The following CEP57L1 variants were observed in gnomAD, a reference collection of about 807,000 sequenced individuals.
CEP57L1 encodes centrosomal protein CEP57L1.
A neutral mutation model predicts 61.0 loss-of-function variants in CEP57L1; 37 were observed. That is an observed-to-expected ratio of 0.61 (90% CI 0.47 to 0.80). The LOEUF is 0.80. CEP57L1 is among the 30% of genes least tolerant of loss of function. The pLI, the probability that CEP57L1 is intolerant of heterozygous loss-of-function variation, is 0.00. For synonymous variants in CEP57L1, 137 were observed against 162.3 expected, an observed-to-expected ratio of 0.84 and a Z score of 1.19; for missense variants, 422 against 524.7, an observed-to-expected ratio of 0.80 and a Z score of 1.91.
At chr6:109,109,030 A>G (rs1220135229) in intron 1 of CEP57L1, among the ~76,000 whole-genome samples, 2 of 152,216 alleles carry the variant, frequency 1.3e-5, no homozygotes, top group African/African-American at 4.8e-5. Context: ...CTCCCACACT[A>G]GAAATACAAA....
In CEP57L1 at chr6:109,150,100, A is replaced by G; in HGVS notation, c.341-18A>G. On this transcript the variant is annotated intron_variant, in intron 3 of 10. Coordinates refer to ENST00000517392, the MANE Select transcript of CEP57L1 (RefSeq NM_001271852.3). ...TTTGACTTCCTCTTTTCCTAATTGAATACCCTTTATTTCATAGATATAAGT... is the reference window on the plus strand; with the variant it reads ...TTTGACTTCCTCTTTTCCTAATTGAGTACCCTTTATTTCATAGATATAAGT... 1.3e-6 allele frequency: 2 copies of G among 1,495,082 alleles called. No homozygotes were observed. Among genetic ancestry groups the G allele is most frequent in the Non-Finnish European group, 9.3e-7 (1 of 1,080,848 alleles). 92.6% of individuals were successfully genotyped at this position (1,495,082 alleles called of 1,614,324 possible).
intron 1 of CEP57L1, among the ~76,000 whole-genome samples, chr6:109,123,956 T>G (rs1291310283): frequency 6.6e-6 from 1 of 151,874 alleles, no homozygotes; most frequent in Non-Finnish European, 1.5e-5. Context: ...CTGTAATCCC[T>G]GCTACTTGGG....
intron 10 of CEP57L1, 129 bp from the exon 11 acceptor site, chr6:109,162,620 T>G (rs1166812458): frequency 7.7e-6 from 5 of 649,882 alleles, no homozygotes; most frequent in Non-Finnish European, 1.3e-5. Context: ...AATTAAAAAC[T>G]TAATGAATTG....
At chr6:109,137,120 G>C (rs1770833215) in intron 1 of CEP57L1, among the ~76,000 whole-genome samples, 1 of 152,012 alleles carries the variant, frequency 6.6e-6, no homozygotes, top group Non-Finnish European at 1.5e-5. Context: ...TAGAAGTATA[G>C]TAAAAACTCT....
chr6:109,114,728 A>C (rs1306861419), intron 1 of CEP57L1, among the ~76,000 whole-genome samples: 1 of 152,144 alleles, frequency 6.6e-6, no homozygotes, highest in African/African-American at 2.4e-5. Flanking sequence ...TGGACAGGGA[A>C]AGGGAAGATG....
intron 1 of CEP57L1, among the ~76,000 whole-genome samples, chr6:109,095,940 T>A (rs985141199): frequency 1.3e-5 from 2 of 152,182 alleles, no homozygotes. Flanking sequence ...TGCTTAGGGA[T>A]GTTCTGGGCT....
rs1267749845 is a variant in CEP57L1 at position 109,168,769 on chromosome 6, G to C, written c.*5799G>C. On this transcript the variant is annotated 3_prime_UTR_variant, in exon 11 of 11. Transcript: ENST00000517392. The stretch of plus-strand genomic sequence containing the variant: ...CACCACCATGCCCTGCTAATTTTTT[G>C]TATTTTAGTAGAGATGGGGTTTCAC... Among the ~76,000 whole-genome samples, 2 of 150,936 alleles carry C rather than the reference G, an allele frequency of 1.3e-5. No individual in the cohort carries two copies. Among genetic ancestry groups the C allele is most frequent in the African/African-American group, 4.9e-5 (2 of 41,188 alleles).
At chr6:109,143,485 T>C (rs1771638794) in intron 1 of CEP57L1, among the ~76,000 whole-genome samples, 1 of 152,158 alleles carries the variant, frequency 6.6e-6, no homozygotes, top group African/African-American at 2.4e-5. Context: ...TAACTTGTCC[T>C]CTCATCTCTT....
intron 1 of CEP57L1, among the ~76,000 whole-genome samples, chr6:109,135,827 C>T (rs542368054): frequency 6.6e-6 from 1 of 152,242 alleles, no homozygotes; most frequent in Non-Finnish European, 1.5e-5. Flanking sequence ...CTCATCATCA[C>T]TGGCCATCAG....
chr6:109,130,910 A>C (rs892733864), intron 1 of CEP57L1: 3 of 151,946 alleles, frequency 2.0e-5, no homozygotes, highest in Non-Finnish European at 4.4e-5. Context: ...TTTTCCTTGC[A>C]TCTTATAAGC....
chr6:109,149,833 A>G (rs573400588), intron 3 of CEP57L1, among the ~76,000 whole-genome samples: 1 of 152,160 alleles, frequency 6.6e-6, no homozygotes, highest in East Asian at 1.9e-4. Context: ...GAGGTCCTTT[A>G]TGTCCCTTGT....
rs76328768 is a variant in CEP57L1 at position 109,173,748 on chromosome 6, G to A, written c.*10778G>A. On this transcript the variant is annotated 3_prime_UTR_variant, in exon 11 of 11. Transcript: ENST00000517392. ...CCACTGTGCCCGGCAGAATTTTTCT[G>A]TGTCCATTAGAAATAGAAATCAGTC... 0.12 allele frequency among the ~76,000 whole-genome samples: 18,869 copies of A among 151,508 alleles called. 1,322 individuals carry two copies. The highest frequency in any genetic ancestry group is 0.21 in the Middle Eastern group (62 of 292).
intron 5 of CEP57L1, among the ~76,000 whole-genome samples, chr6:109,154,251 A>G (rs1772983908): frequency 1.3e-5 from 2 of 152,280 alleles, no homozygotes; most frequent in South Asian, 4.1e-4. Context: ...TAGTCAAATT[A>G]AGCCTATACC....
intron 1 of CEP57L1, among the ~76,000 whole-genome samples, chr6:109,102,762 CT>C (rs944216807): frequency 5.3e-5 from 8 of 151,852 alleles, no homozygotes; most frequent in African/African-American, 1.7e-4. Context: ...AGGTGAAAAA[CT>C]TTTTTTTAAA....
chr6:109,139,056 T>C (rs951079401), intron 1 of CEP57L1, among the ~76,000 whole-genome samples: 1 of 152,190 alleles, frequency 6.6e-6, no homozygotes, highest in Non-Finnish European at 1.5e-5. Context: ...ACTACTCTTG[T>C]GCTTTGGTGC....
Position 109,136,556 on chromosome 6 carries a change from AAG to A in CEP57L1, c.-3-8662_-3-8661del, listed in dbSNP as rs750856505. 2.8e-4 allele frequency among the ~76,000 whole-genome samples: 20 copies of A among 71,094 alleles called. No individual in the cohort carries two copies. In the South Asian group the frequency reaches 3.2e-3, roughly 11 times the overall value. The allele number at this position is 71,094 out of a possible 152,430, so 46.6% of individuals were successfully genotyped here. On this transcript the variant is annotated intron_variant, in intron 1 of 10. Transcript: ENST00000517392. ...TTGTGCACATGTACCCTAAAACTAT[AAG>A]TATAAAAAAAAAAAAAAAAGATACC...
At chr6:109,131,535 C>T (rs1562532502) in intron 1 of CEP57L1, among the ~76,000 whole-genome samples, 1 of 151,674 alleles carries the variant, frequency 6.6e-6, no homozygotes, top group African/African-American at 2.4e-5. Flanking sequence ...TCTGTGTGTG[C>T]AACTAAAACT....
chr6:109,141,119 C>T (rs745696698), intron 1 of CEP57L1, among the ~76,000 whole-genome samples: 3 of 151,632 alleles, frequency 2.0e-5, no homozygotes, highest in Non-Finnish European at 2.9e-5. Context: ...CATGAGCCAC[C>T]GCGCCCAGCT....
chr6:109,131,048 T>C (rs957615109), intron 1 of CEP57L1, among the ~76,000 whole-genome samples: 6 of 152,224 alleles, frequency 3.9e-5, no homozygotes, highest in Non-Finnish European at 7.3e-5. Context: ...TACAAAATGA[T>C]GATTTTTCAT....
Sources: allele counts gnomAD v4.1 joint callset (sites outside exome capture counted in the v4.1 genomes callset), GRCh38; gene constraint gnomAD v4.1.1; transcripts MANE v1.5; gene names NCBI Gene and HGNC (gene_info 2026-07-23, HGNC 2026-07-21).